The following NRXN1 variants were observed in gnomAD, a reference collection of about 807,000 sequenced individuals.
NRXN1 encodes the protein neurexin 1.
In NRXN1, 39 loss-of-function variants were observed where a neutral mutation model predicts 150.9. That is an observed-to-expected ratio of 0.26 (90% CI 0.20 to 0.34). NRXN1 has a LOEUF of 0.34. Ranked by LOEUF, NRXN1 falls within the 10% of genes least tolerant of loss-of-function variation. The pLI is 1.00. For missense variants in NRXN1, 1,815 were observed against 1,949.9 expected, an observed-to-expected ratio of 0.93 and a Z score of 1.30; for synonymous variants, 924 against 757.0, an observed-to-expected ratio of 1.22 and a Z score of -3.62.
intron 19 of NRXN1, among the ~76,000 whole-genome samples, chr2:50,066,371 T>G (rs566741316): frequency 6.6e-6 from 1 of 152,128 alleles, no homozygotes; most frequent in Non-Finnish European, 1.5e-5. Context: ...TAATGAGACA[T>G]AAGTACGCAA....
intron 18 of NRXN1, among the ~76,000 whole-genome samples, chr2:50,224,463 T>C (rs1018877861): frequency 2.6e-5 from 4 of 151,954 alleles, no homozygotes; most frequent in African/African-American, 9.7e-5. Flanking sequence ...AAGAGTATTG[T>C]TTAGTTACCG....
chr2:50,110,368 T>A (rs1238048226), intron 18 of NRXN1, among the ~76,000 whole-genome samples: 1 of 151,554 alleles, frequency 6.6e-6, no homozygotes, highest in East Asian at 1.9e-4. Flanking sequence ...GGCAGGTGCC[T>A]GTAGTCCCAG....
At chr2:50,625,686 G>C (rs951676195) in intron 5 of NRXN1, among the ~76,000 whole-genome samples, 2 of 152,038 alleles carry the variant, frequency 1.3e-5, no homozygotes, top group Non-Finnish European at 2.9e-5. Flanking sequence ...CAAAATATGA[G>C]TTTGGATTGT....
intron 2 of NRXN1, among the ~76,000 whole-genome samples, chr2:51,017,503 C>CT (rs70958638): frequency 0.01 from 454 of 44,288 alleles, 92 homozygotes; most frequent in Non-Finnish European, 0.013. Flanking sequence ...CCACATCTGG[C>CT]TTTTTTTTTT....
intron 8 of NRXN1, among the ~76,000 whole-genome samples, chr2:50,603,106 G>T (rs1021915341): frequency 1.8e-4 from 28 of 152,136 alleles, no homozygotes; most frequent in African/African-American, 6.8e-4. Context: ...TTTAAAAATG[G>T]ACTATGAGGC....
chr2:50,704,589 C>T (rs1038090682), intron 5 of NRXN1, among the ~76,000 whole-genome samples: 2 of 144,814 alleles, frequency 1.4e-5, no homozygotes, highest in African/African-American at 2.5e-5. Context: ...GGTCATATCA[C>T]TTTTTTTTTT....
At chr2:50,144,932 T>C (rs1175218779) in intron 18 of NRXN1, among the ~76,000 whole-genome samples, 1 of 151,728 alleles carries the variant, frequency 6.6e-6, no homozygotes, top group Middle Eastern at 3.2e-3. Flanking sequence ...TAAAATTATA[T>C]TTTAGTTATT....
At chr2:50,430,823 T>G (rs2084908485) in intron 17 of NRXN1, among the ~76,000 whole-genome samples, 1 of 152,166 alleles carries the variant, frequency 6.6e-6, no homozygotes, top group Admixed American at 6.5e-5. Flanking sequence ...TTTGGACACC[T>G]TTTGATTCTT....
intron 21 of NRXN1, among the ~76,000 whole-genome samples, chr2:49,960,768 T>G (rs1251647196): frequency 1.3e-5 from 2 of 152,178 alleles, no homozygotes; most frequent in African/African-American, 4.8e-5. Flanking sequence ...TATCACATAT[T>G]ACTACCCCAG....
At chr2:49,943,983 A>C (rs1672455630) in intron 21 of NRXN1, among the ~76,000 whole-genome samples, 192 bp from the exon 22 acceptor site, 1 of 152,202 alleles carries the variant, frequency 6.6e-6, no homozygotes, top group Non-Finnish European at 1.5e-5. Flanking sequence ...ACTTGATTAC[A>C]CTTTAGTTTA....
intron 5 of NRXN1, among the ~76,000 whole-genome samples, chr2:50,638,416 C>T (rs536960949): frequency 6.6e-6 from 1 of 152,140 alleles, no homozygotes; most frequent in South Asian, 2.1e-4. Context: ...ACAAATAGCA[C>T]AAAATACACA....
At chr2:50,993,511 T>C (rs563350907) in intron 2 of NRXN1, among the ~76,000 whole-genome samples, 1 of 152,070 alleles carries the variant, frequency 6.6e-6, no homozygotes, top group East Asian at 1.9e-4. Flanking sequence ...AATCTACCTT[T>C]ATACAATTAA....
intron 17 of NRXN1, among the ~76,000 whole-genome samples, chr2:50,315,210 T>C (rs191591269): frequency 1.3e-5 from 2 of 152,144 alleles, no homozygotes; most frequent in East Asian, 1.9e-4. Context: ...TGCTTAACAA[T>C]TGAGGTTCTG....
At chr2:50,549,365 G>A (rs886679413) in intron 9 of NRXN1, among the ~76,000 whole-genome samples, 4 of 151,994 alleles carry the variant, frequency 2.6e-5, no homozygotes, top group African/African-American at 7.2e-5. Flanking sequence ...AACCTAATAT[G>A]AGCTCTATTT....
At chr2:50,471,844 CTACATAA>C (rs1444962479) in intron 16 of NRXN1, among the ~76,000 whole-genome samples, 1 of 151,630 alleles carries the variant, frequency 6.6e-6, no homozygotes, top group East Asian at 1.9e-4. Flanking sequence ...ACAAGTTGAC[CTACATAA>C]CAAACTTGCA....
intron 12 of NRXN1, among the ~76,000 whole-genome samples, chr2:50,528,419 T>C (rs1277148979): frequency 6.6e-6 from 1 of 152,136 alleles, no homozygotes; most frequent in African/African-American, 2.4e-5. Context: ...TTTTTCCATA[T>C]AGAGGTAGGA....
intron 19 of NRXN1, among the ~76,000 whole-genome samples, chr2:50,065,792 C>A (rs1350216552): frequency 6.6e-6 from 1 of 152,136 alleles, no homozygotes; most frequent in African/African-American, 2.4e-5. Flanking sequence ...AATCCACTAA[C>A]TTCAGTGCTT....
At chr2:50,042,141 C>A (rs1018376624) in intron 21 of NRXN1, among the ~76,000 whole-genome samples, 3 of 152,142 alleles carry the variant, frequency 2.0e-5, no homozygotes, top group African/African-American at 7.2e-5. Flanking sequence ...GAAGTTAATT[C>A]TTTTAACATC....
intron 10 of NRXN1, among the ~76,000 whole-genome samples, chr2:50,537,915 G>A (rs779784930): frequency 5.3e-5 from 8 of 152,118 alleles, no homozygotes; most frequent in Non-Finnish European, 1.2e-4. Context: ...TATAATTCAT[G>A]CCTCTTTTAC....
Sources: allele counts gnomAD v4.1 joint callset (sites outside exome capture counted in the v4.1 genomes callset), GRCh38; gene constraint gnomAD v4.1.1; transcripts MANE v1.5; gene names NCBI Gene and HGNC (gene_info 2026-07-23, HGNC 2026-07-21).